The following NRXN3 variants were observed in gnomAD, a reference collection of about 807,000 sequenced individuals.
The protein encoded by NRXN3 is neurexin III.
NRXN3 carries 32 observed loss-of-function variants against 137.6 expected under a neutral mutation model. The ratio of observed to expected loss-of-function variants is 0.23; its 90% CI spans 0.18 to 0.31. NRXN3 has a LOEUF of 0.31. Ranked by LOEUF, NRXN3 falls within the 10% of genes least tolerant of loss-of-function variation. The pLI is 1.00. For synonymous variants in NRXN3, 798 were observed against 784.5 expected (o/e 1.02, Z -0.29); for missense variants, 1,574 against 2,062.5 (o/e 0.76, Z 4.59).
intron 16 of NRXN3, among the ~76,000 whole-genome samples, chr14:79,556,690 G>A (rs1267586504): frequency 1.2e-4 from 18 of 152,070 alleles, no homozygotes; most frequent in Non-Finnish European, 1.5e-5. Context: ...CAAGTAGCTG[G>A]GACTACAGGC....
At chr14:79,711,471 CTTAT>C (rs960651785) in intron 19 of NRXN3, among the ~76,000 whole-genome samples, 8 of 148,926 alleles carry the variant, frequency 5.4e-5, no homozygotes, top group Non-Finnish European at 1.2e-4. Flanking sequence ...ATATTTATTT[CTTAT>C]TTATTTCTTA....
chr14:78,285,172 C>T (rs1266259916), intron 3 of NRXN3, among the ~76,000 whole-genome samples: 1 of 152,122 alleles, frequency 6.6e-6, no homozygotes, highest in Non-Finnish European at 1.5e-5. Flanking sequence ...GACTGAGATA[C>T]CTTGGGGAAT....
At chr14:78,383,630 C>T (rs1567430891) in intron 4 of NRXN3, among the ~76,000 whole-genome samples, 1 of 152,126 alleles carries the variant, frequency 6.6e-6, no homozygotes, top group Non-Finnish European at 1.5e-5. Context: ...TATAAAACTG[C>T]ATAAGATACA....
intron 4 of NRXN3, among the ~76,000 whole-genome samples, chr14:78,436,505 CCAGCAGTTTACTCTACAG>C (rs1164509374): frequency 4.6e-5 from 7 of 152,076 alleles, no homozygotes; most frequent in African/African-American, 1.7e-4. Flanking sequence ...GGATTTTATT[CCAGCAGTTTACTCTACAG>C]CAGCTCTGTC....
chr14:78,928,058 G>A (rs1334753774), intron 10 of NRXN3, among the ~76,000 whole-genome samples: 1 of 152,132 alleles, frequency 6.6e-6, no homozygotes, highest in Non-Finnish European at 1.5e-5. Context: ...ATCTCTCAGA[G>A]GCTCCCTGGT....
chr14:79,601,929 G>A (rs973422480), intron 16 of NRXN3, among the ~76,000 whole-genome samples: 1 of 152,000 alleles, frequency 6.6e-6, no homozygotes, highest in Non-Finnish European at 1.5e-5. Context: ...CTCAGCTGCT[G>A]CCAGTCATCA....
chr14:78,383,608 CTT>C (rs2089496378), intron 4 of NRXN3, among the ~76,000 whole-genome samples: 1 of 152,168 alleles, frequency 6.6e-6, no homozygotes, highest in Non-Finnish European at 1.5e-5. Flanking sequence ...CTGTACAACT[CTT>C]AAACAATAAT....
chr14:79,712,923 T>G (rs1044584076), intron 19 of NRXN3, among the ~76,000 whole-genome samples: 5 of 152,248 alleles, frequency 3.3e-5, no homozygotes, highest in Admixed American at 6.5e-5. Flanking sequence ...AAGGTGCACA[T>G]TGTCCTGTAG....
chr14:79,256,951 T>A (rs1184251404), intron 15 of NRXN3, among the ~76,000 whole-genome samples: 1 of 152,134 alleles, frequency 6.6e-6, no homozygotes, highest in African/African-American at 2.4e-5. Flanking sequence ...GCCTGACTGA[T>A]TATAGGTTTA....
Position 79,825,384 on chromosome 14 carries a change from AT to A in NRXN3, c.4093+20197del, listed in dbSNP as rs1568374456. On this transcript the variant is annotated intron_variant, in intron 20 of 20. Transcript: ENST00000335750. ...CTCTCTTCACTCTGATTCTGTTTTCATTTAAGAAAATTTCAGAAGTAGTGAA... is the reference window on the plus strand; with the variant it reads ...CTCTCTTCACTCTGATTCTGTTTTCATTAAGAAAATTTCAGAAGTAGTGAA... Among the ~76,000 whole-genome samples, 3 of 152,150 alleles carry A rather than the reference AT, an allele frequency of 2.0e-5. No homozygotes were observed. In the South Asian group the frequency reaches 6.2e-4, roughly 32 times the overall value.
intron 9 of NRXN3, among the ~76,000 whole-genome samples, chr14:78,809,400 A>G (rs2098896866): frequency 3.9e-5 from 6 of 152,156 alleles, no homozygotes; most frequent in Admixed American, 3.9e-4. Context: ...TTCTCCCTGA[A>G]TGCTGTGGGC....
intron 16 of NRXN3, among the ~76,000 whole-genome samples, chr14:79,505,150 G>T (rs1425487320): frequency 6.6e-6 from 1 of 151,382 alleles, no homozygotes; most frequent in African/African-American, 2.4e-5. Context: ...AGGAGGTGAA[G>T]GTTGCAGTGA....
chr14:78,656,963 T>C (rs1423785340), intron 6 of NRXN3, among the ~76,000 whole-genome samples: 1 of 135,704 alleles, frequency 7.4e-6, no homozygotes, highest in Non-Finnish European at 1.5e-5. Flanking sequence ...AGGAGAACGG[T>C]GTGAACCCGG....
intron 4 of NRXN3, among the ~76,000 whole-genome samples, chr14:78,461,334 G>T (rs2094915069): frequency 6.6e-6 from 1 of 152,014 alleles, no homozygotes; most frequent in Non-Finnish European, 1.5e-5. Context: ...GGTAGGCCTT[G>T]TTCAGAGCCA....
At chr14:78,563,477 A>C (rs1283617604) in intron 4 of NRXN3, among the ~76,000 whole-genome samples, 1 of 152,230 alleles carries the variant, frequency 6.6e-6, no homozygotes, top group Non-Finnish European at 1.5e-5. Context: ...GGGAATAAGC[A>C]GTGAGTTAGC....
chr14:78,517,939 A>G (rs2096234111), intron 4 of NRXN3, among the ~76,000 whole-genome samples: 1 of 152,176 alleles, frequency 6.6e-6, no homozygotes, highest in Non-Finnish European at 1.5e-5. Context: ...CCAGGGATCC[A>G]ACTTCCTGTG....
intron 15 of NRXN3, among the ~76,000 whole-genome samples, chr14:79,273,953 C>T (rs763662654): frequency 3.3e-5 from 5 of 151,708 alleles, no homozygotes; most frequent in South Asian, 2.1e-4. Context: ...AAAAATTAGC[C>T]GGGCATGGTG....
intron 20 of NRXN3, among the ~76,000 whole-genome samples, chr14:79,808,831 A>T (rs1320704894): frequency 1.3e-5 from 2 of 152,180 alleles, no homozygotes; most frequent in Non-Finnish European, 2.9e-5. Context: ...TTGGATTTTT[A>T]AACTGCTGGT....
At chr14:79,854,229 ATAAAT>A (rs1306191421) in intron 20 of NRXN3, 1 of 822,848 alleles carries the variant, frequency 1.2e-6, no homozygotes, top group African/African-American at 1.9e-5. Flanking sequence ...TAAGTTGACT[ATAAAT>A]TAATATGGTA....
Sources: allele counts gnomAD v4.1 joint callset (sites outside exome capture counted in the v4.1 genomes callset), GRCh38; gene constraint gnomAD v4.1.1; transcripts MANE v1.5; gene names NCBI Gene and HGNC (gene_info 2026-07-23, HGNC 2026-07-21).